Variants in ADAM11 observed in about 807,000 individuals in gnomAD.
ADAM11 encodes ADAM metallopeptidase domain 11, also known as disintegrin and metalloproteinase domain-containing protein 11.
Under a neutral mutation model 119.1 loss-of-function variants are expected in ADAM11, and 49 were observed. That is an observed-to-expected ratio of 0.41 (90% CI 0.33 to 0.52). The LOEUF is 0.52. ADAM11 is among the 20% of genes least tolerant of loss of function. The pLI, the probability that ADAM11 is intolerant of heterozygous loss-of-function variation, is 0.20. For missense variants in ADAM11, 777 were observed against 1,047.5 expected, an observed-to-expected ratio of 0.74 and a Z score of 3.56; for synonymous variants, 364 against 408.0, an observed-to-expected ratio of 0.89 and a Z score of 1.30.
In ADAM11 at chr17:44,781,436, G is replaced by A; in HGVS notation, c.*1682G>A. 1 of 152,374 alleles carries A rather than the reference G, an allele frequency of 6.6e-6. No individual in the cohort carries two copies. The highest frequency in any genetic ancestry group is 1.5e-5 in the Non-Finnish European group (1 of 68,064). The allele number at this position is 152,374 out of a possible 1,614,324, so 9.4% of individuals were successfully genotyped here. A position where few individuals can be genotyped will look rare whatever the true frequency, so the allele number is the denominator to read the frequency against. On this transcript the variant is annotated 3_prime_UTR_variant, in exon 27 of 27. Transcript: ENST00000200557. Reference sequence around the variant, plus strand: ...GCCCTGCAAGCTGATGCAGGGCGGGGGAAGGGCTGGGTGTTGCACTATTGC... The same window carrying A: ...GCCCTGCAAGCTGATGCAGGGCGGGAGAAGGGCTGGGTGTTGCACTATTGC...
At chr17:44,778,769 G>C (rs2049645760) in intron 25 of ADAM11, among the ~76,000 whole-genome samples, 2 of 149,970 alleles carry the variant, frequency 1.3e-5, no homozygotes, top group Non-Finnish European at 3.0e-5. Context: ...TTTTACACTA[G>C]CAATTCGGAT....
chr17:44,769,517 C>T (rs1359858082), intron 2 of ADAM11, among the ~76,000 whole-genome samples: 1 of 152,242 alleles, frequency 6.6e-6, no homozygotes, highest in Non-Finnish European at 1.5e-5. Context: ...CTGAGCACTC[C>T]TGCCTCTGCC....
Position 44,778,251 on chromosome 17 carries a change from C to T in ADAM11, c.2276+9C>T, listed in dbSNP as rs1441899883. On this transcript the variant is annotated intron_variant, in intron 25 of 26. Transcript: ENST00000200557. ...ACGGGCTGGGGATTTAAGTAAGAGA[C>T]ACACACACCCTGTGCCCCCTGGCAT... 1 of 1,609,698 alleles carries T rather than the reference C, an allele frequency of 6.2e-7. No homozygotes were observed. Among genetic ancestry groups the T allele is most frequent in the Non-Finnish European group, 8.5e-7 (1 of 1,178,090 alleles).
chr17:44,762,812 G>A (rs570864366), intron 2 of ADAM11, among the ~76,000 whole-genome samples: 1 of 152,066 alleles, frequency 6.6e-6, no homozygotes, highest in Non-Finnish European at 1.5e-5. Context: ...GTGGGGGTGC[G>A]ACTGGGACAG....
chr17:44,759,308 C>G (rs1420263930), intron 1 of ADAM11, 48 bp downstream of exon 1: 2 of 1,348,460 alleles, frequency 1.5e-6, no homozygotes, highest in Non-Finnish European at 9.5e-7. Context: ...GCCCCCGCCC[C>G]GGGATGTGCG....
chr17:44,766,550 AGCTGCT>A (rs754651558), intron 2 of ADAM11, among the ~76,000 whole-genome samples: 1 of 152,162 alleles, frequency 6.6e-6, no homozygotes, highest in African/African-American at 2.4e-5. Context: ...AGGCAGTCAC[AGCTGCT>A]GTGGCGACAC....
chr17:44,774,368 G>A lies in ADAM11; in HGVS notation c.1066G>A (p.Gly356Ser). 6.7e-7 allele frequency: 1 copy of A among 1,494,016 alleles called. No individual in the cohort carries two copies. The highest frequency in any genetic ancestry group is 9.0e-7 in the Non-Finnish European group (1 of 1,114,682). The allele number at this position is 1,494,016 out of a possible 1,614,324, so 92.5% of individuals were successfully genotyped here. A position where few individuals can be genotyped will look rare whatever the true frequency, so the allele number is the denominator to read the frequency against. The change falls in exon 12 of 27, where the codon GGT becomes AGT. Residue 356 changes from glycine to serine, a missense_variant. Physicochemically the swap from Gly to Ser is moderately conservative, Grantham distance 56 (BLOSUM62 0). Transcript: ENST00000200557. ...GGICSLSHGG[G>S]VNEYGNMGAM... ...CATATGCTCCCTGTCCCACGGCGGG[G>A]GTGTGAACGAGGTGAGCAGTGGGGG...
chr17:44,772,470 CG>C lies in ADAM11; in HGVS notation c.678+9del. ...GAGGCTGAGAAGGAAAAGGCAGGTA[CG>C]GGGGCCCGCACAGACCTCGGGCTGC... On this transcript the variant is annotated splice_donor_5th_base_variant and intron_variant, in intron 8 of 26. Coordinates refer to ENST00000200557, the MANE Select transcript of ADAM11 (RefSeq NM_002390.6). This position sits in a 1 kb window ranked among gnomAD's most constrained non-coding sequence, Gnocchi z 4.5. 2 of 1,564,220 alleles carry C rather than the reference CG, an allele frequency of 1.3e-6. No homozygotes were observed. Among genetic ancestry groups the C allele is most frequent in the Non-Finnish European group, 1.7e-6 (2 of 1,154,854 alleles).
At position 44,759,132 on chromosome 17, in the gene ADAM11, G is replaced by A. The variant is rs1367631372; in HGVS notation, c.-68G>A. The A allele has an allele frequency of 7.7e-5, 11 of 142,638 alleles. No individual in the cohort carries two copies. Among genetic ancestry groups the A allele is most frequent in the Non-Finnish European group, 2.6e-5 (3 of 115,028 alleles). 8.8% of individuals were successfully genotyped at this position (142,638 alleles called of 1,614,324 possible). Reference sequence around the variant, plus strand: ...CCGCAGCTGGCGCCTCCCCACCCCCGTCCCTGCTCCCGCCCTCCCCGCGCC... The same window carrying A: ...CCGCAGCTGGCGCCTCCCCACCCCCATCCCTGCTCCCGCCCTCCCCGCGCC... On this transcript the variant is annotated 5_prime_UTR_variant, in exon 1 of 27. Coordinates refer to ENST00000200557, the MANE Select transcript of ADAM11 (RefSeq NM_002390.6).
chr17:44,778,280 T>G, intron 25 of ADAM11, 38 bp downstream of exon 25: 4 of 1,574,910 alleles, frequency 2.5e-6, no homozygotes, highest in Non-Finnish European at 2.6e-6. Flanking sequence ...CTGGCATCCT[T>G]GAGGGGGGAT....
chr17:44,761,347 G>A (rs868328730), intron 2 of ADAM11, among the ~76,000 whole-genome samples: 21 of 152,320 alleles, frequency 1.4e-4, no homozygotes, highest in Middle Eastern at 3.4e-3. Context: ...CAACTGGGCA[G>A]GTTGCTCCTT....
At chr17:44,774,243 G>T in intron 11 of ADAM11, 52 bp from the exon 12 acceptor site, 1 of 1,261,290 alleles carries the variant, frequency 7.9e-7, no homozygotes, top group Non-Finnish European at 1.1e-6. Context: ...CCACCACCCG[G>T]GGAGCCACAG....
intron 26 of ADAM11, chr17:44,779,458 CCTT>C: frequency 1.0e-6 from 1 of 985,440 alleles, no homozygotes; most frequent in Non-Finnish European, 1.2e-6. Flanking sequence ...CAGGCCACGT[CCTT>C]CTCGACTGCC....
intron 4 of ADAM11, among the ~76,000 whole-genome samples, chr17:44,770,578 C>T (rs865910265): frequency 4.0e-5 from 6 of 151,362 alleles, no homozygotes; most frequent in Middle Eastern, 6.8e-3. Context: ...TGCCACTGGT[C>T]CCCCCAGCCC....
In ADAM11 at chr17:44,763,688, C is replaced by A. The variant is rs568821377; in HGVS notation, c.237+3791C>A. Among the ~76,000 whole-genome samples the A allele has an allele frequency of 3.3e-5, 5 of 151,876 alleles. No homozygotes were observed. The South Asian group carries it at 1.0e-3, about 32-fold the overall frequency. ...ATCTGTGGGCTTATGGGGCCACATG[C>A]GTTCTGACTTGCAGGGGGATCTTGT... On this transcript the variant is annotated intron_variant, in intron 2 of 26. Transcript: ENST00000200557.
chr17:44,764,407 G>T (rs1252568533), intron 2 of ADAM11, among the ~76,000 whole-genome samples: 2 of 152,216 alleles, frequency 1.3e-5, no homozygotes, highest in African/African-American at 4.8e-5. Context: ...CAGGGTCTGT[G>T]CCTGGGGCCC....
In ADAM11 at chr17:44,773,080, G is replaced by A. The variant is rs184207190; in HGVS notation, c.820G>A (p.Asp274Asn). The A allele has an allele frequency of 2.5e-6, 4 of 1,613,658 alleles. No individual in the cohort carries two copies. The highest frequency in any genetic ancestry group is 1.7e-5 in the Admixed American group (1 of 59,978). ...TGCCAAGTCCGTGGTGAACCTGGCC[G>A]ATGTGGTAAGCAGCTCTCCCTCCCT... is the stretch of plus-strand genomic sequence containing the variant. ...NFAKSVVNLA[D>N]VIYKEQLNTR... Residue 274 changes from aspartate to asparagine, a missense_variant, in exon 10 of 27, where the codon GAT (aspartate) becomes AAT (asparagine). By Grantham distance (23) the Asp-to-Asn change is conservative (BLOSUM62 1). Transcript: ENST00000200557. This position sits in a 1 kb window ranked among gnomAD's most constrained non-coding sequence, Gnocchi z 4.6.
At chr17:44,761,088 G>A (rs886658818) in intron 2 of ADAM11, among the ~76,000 whole-genome samples, 3 of 152,088 alleles carry the variant, frequency 2.0e-5, no homozygotes, top group African/African-American at 7.2e-5. Context: ...GAGGTGTGCA[G>A]TCCTAGGGCC....
Position 44,780,464 on chromosome 17 carries a change from T to C in ADAM11, c.*710T>C, listed in dbSNP as rs1282718928. Reference sequence around the variant, plus strand: ...GCCTGTGCCATGCCCAAGGCCTAGGTTATGGGTACGGCAACCACATGTCCC... The same window carrying C: ...GCCTGTGCCATGCCCAAGGCCTAGGCTATGGGTACGGCAACCACATGTCCC... On this transcript the variant is annotated 3_prime_UTR_variant, in exon 27 of 27. Coordinates refer to ENST00000200557, the MANE Select transcript of ADAM11 (RefSeq NM_002390.6). 3.4e-6 allele frequency: 1 copy of C among 293,662 alleles called. No homozygotes were observed. Among genetic ancestry groups the C allele is most frequent in the Admixed American group, 5.3e-5 (1 of 18,948 alleles). The allele number at this position is 293,662 out of a possible 1,614,324, so 18.2% of individuals were successfully genotyped here. A position where few individuals can be genotyped will look rare whatever the true frequency, so the allele number is the denominator to read the frequency against.
Sources: gnomAD v4.1 joint callset for allele counts (sites outside exome capture counted in the v4.1 genomes callset) on GRCh38, gnomAD v4.1.1 for gene constraint, Gnocchi (gnomAD v3.1) non-coding constraint, MANE v1.5 for transcripts, NCBI Gene and HGNC (gene_info 2026-07-23, HGNC 2026-07-21) for gene names.